The following ALOX5 variants were observed in gnomAD, a reference collection of about 807,000 sequenced individuals.
ALOX5 encodes arachidonate 5-lipoxygenase, also known as polyunsaturated fatty acid 5-lipoxygenase.
Under a neutral mutation model 87.9 loss-of-function variants are expected in ALOX5, and 64 were observed. The ratio of observed to expected loss-of-function variants is 0.73; its 90% CI spans 0.60 to 0.90. The LOEUF (loss-of-function observed/expected upper bound fraction) is 0.90. Ranked by LOEUF, ALOX5 falls within the 40% of genes least tolerant of loss-of-function variation. The probability of loss-of-function intolerance (pLI) is 0.00; values close to 1 mark genes in which losing one functional copy is unlikely to be tolerated. For synonymous variants in ALOX5, 388 were observed against 355.1 expected (o/e 1.09, Z -1.04); for missense variants, 822 against 907.5 (o/e 0.91, Z 1.21).
In ALOX5 at chr10:45,432,813, T is replaced by A. The variant is rs140301943; in HGVS notation, c.981+4049T>A. Among the ~76,000 whole-genome samples the A allele has an allele frequency of 1.7e-3, 257 of 152,336 alleles. 1 individual carries two copies. Among genetic ancestry groups the A allele is most frequent in the East Asian group, 8.3e-3 (43 of 5,192 alleles). ...GTTATAAGGGGAAAGCTAAGCATATTTGATTATGTAATGTTTTAAAACTTG... is the reference window on the plus strand; with the variant it reads ...GTTATAAGGGGAAAGCTAAGCATATATGATTATGTAATGTTTTAAAACTTG... On this transcript the variant is annotated intron_variant, in intron 7 of 13. Coordinates refer to ENST00000374391, the MANE Select transcript of ALOX5 (RefSeq NM_000698.5).
At position 45,445,682 on chromosome 10, in the gene ALOX5, A is replaced by G. The variant is rs770842622; in HGVS notation, c.2020A>G (p.Ile674Val). The change falls in exon 14 of 14, where the codon ATC (isoleucine) becomes GTC (valine). Residue 674 changes from isoleucine (I) to valine (V), a missense_variant. Coordinates refer to ENST00000374391, the MANE Select transcript of ALOX5 (RefSeq NM_000698.5). ...AGACCGGATTCCGAACAGTGTGGCC[A>G]TCTGAGCACACTGCCAGTCTCACTG... Reference protein sequence around the residue: ...SPDRIPNSVAI With the variant: ...SPDRIPNSVAV 10 of 1,610,034 alleles carry G rather than the reference A, an allele frequency of 6.2e-6. No individual in the cohort carries two copies.
rs761329272 is a variant in ALOX5, at chr10:45,374,359, T to A, written c.80T>A (p.Val27Glu). ...GTDDYIYLSL[V>E]GSAGCSEKHL... The stretch of plus-strand genomic sequence containing the variant: ...GACGACTACATCTACCTCAGCCTCG[T>A]GGGCTCGGCGGGCTGCAGCGAGAAG... Residue 27 changes from valine (V) to glutamate (E), a missense_variant, in exon 1 of 14, where the codon GTG becomes GAG. Transcript: ENST00000374391. 5 of 1,549,030 alleles carry A rather than the reference T, an allele frequency of 3.2e-6. No individual in the cohort carries two copies. The highest frequency in any genetic ancestry group is 4.3e-6 in the Non-Finnish European group (5 of 1,150,468).
At chr10:45,375,855 C>A (rs1839587068) in intron 1 of ALOX5, among the ~76,000 whole-genome samples, 1 of 152,238 alleles carries the variant, frequency 6.6e-6, no homozygotes, top group South Asian at 2.1e-4. Context: ...ACCCTGAGGA[C>A]TGCGGTGCCC....
intron 2 of ALOX5, among the ~76,000 whole-genome samples, chr10:45,389,491 T>C (rs954337683): frequency 1.3e-5 from 2 of 152,104 alleles, no homozygotes; most frequent in African/African-American, 4.8e-5. Flanking sequence ...TAACAGCTGA[T>C]CTCTCGGCAG....
intron 2 of ALOX5, among the ~76,000 whole-genome samples, chr10:45,385,068 A>C (rs2132684422): frequency 6.6e-6 from 1 of 152,148 alleles, no homozygotes; most frequent in Non-Finnish European, 1.5e-5. Flanking sequence ...GCTAGTCTGG[A>C]ACTCCTGACC....
At chr10:45,393,055 A>G (rs192608488) in intron 2 of ALOX5, among the ~76,000 whole-genome samples, 3,418 of 152,276 alleles carry the variant, frequency 0.022, 124 homozygotes, top group African/African-American at 0.078. Context: ...TCCTTCTGAA[A>G]CTATTCCAAT....
intron 3 of ALOX5, among the ~76,000 whole-genome samples, chr10:45,408,590 G>A (rs1445455104): frequency 1.3e-5 from 2 of 151,816 alleles, no homozygotes; most frequent in Non-Finnish European, 2.9e-5. Flanking sequence ...CTGTTCTAAT[G>A]GGCTTAACAT....
intron 3 of ALOX5, among the ~76,000 whole-genome samples, chr10:45,411,317 TC>T: frequency 6.6e-6 from 1 of 152,296 alleles, no homozygotes; most frequent in South Asian, 2.1e-4. Context: ...TCCTGTCTCA[TC>T]CTGTGACTTA....
intron 8 of ALOX5, among the ~76,000 whole-genome samples, 194 bp downstream of exon 8, chr10:45,440,827 G>A (rs759697889): frequency 2.6e-5 from 4 of 152,196 alleles, no homozygotes; most frequent in African/African-American, 4.8e-5. Flanking sequence ...CCCAGGACAC[G>A]CGGCTGGGGC....
intron 7 of ALOX5, among the ~76,000 whole-genome samples, chr10:45,433,734 GAGA>G (rs1296019760): frequency 1.3e-5 from 2 of 152,238 alleles, no homozygotes; most frequent in Non-Finnish European, 2.9e-5. Context: ...GGTTAAGGAA[GAGA>G]AGTTTCATTT....
At chr10:45,436,625 C>T (rs1264007540) in intron 7 of ALOX5, among the ~76,000 whole-genome samples, 1 of 152,046 alleles carries the variant, frequency 6.6e-6, no homozygotes, top group African/African-American at 2.4e-5. Flanking sequence ...TATTTTTGTA[C>T]CAGTATACCA....
chr10:45,374,438 G>A lies in ALOX5; in HGVS notation c.150+9G>A, dbSNP rs771066471. On this transcript the variant is annotated intron_variant, in intron 1 of 13. Coordinates refer to ENST00000374391, the MANE Select transcript of ALOX5 (RefSeq NM_000698.5). Reference sequence around the variant, plus strand: ...ACTTCGAGCGTGGCGCGGTGAGCGCGGGCGGGGCACGGGTGGAGCGCGGGC... The same window carrying A: ...ACTTCGAGCGTGGCGCGGTGAGCGCAGGCGGGGCACGGGTGGAGCGCGGGC... 1.2e-5 allele frequency: 19 copies of A among 1,545,976 alleles called. No individual in the cohort carries two copies. The South Asian group carries it at 2.2e-4, about 18-fold the overall frequency.
In ALOX5 at chr10:45,396,752, G is replaced by A. The variant is rs61854072; in HGVS notation, c.431+816G>A. Among the ~76,000 whole-genome samples, 505 of 152,104 alleles carry A rather than the reference G, an allele frequency of 3.3e-3. 1 individual carries two copies. The highest frequency in any genetic ancestry group is 5.6e-3 in the Non-Finnish European group (378 of 67,978). ...ATACCCATATTATACCAAAACTAAA[G>A]GCATCACAAGAAAACTATAAACCAA... On this transcript the variant is annotated intron_variant, in intron 3 of 13. Coordinates refer to ENST00000374391, the MANE Select transcript of ALOX5 (RefSeq NM_000698.5).
At position 45,425,900 on chromosome 10, in the gene ALOX5, G is replaced by A. The variant is rs1475139330; in HGVS notation, c.834+768G>A. 6.6e-6 allele frequency among the ~76,000 whole-genome samples: 1 copy of A among 152,190 alleles called. No homozygotes were observed. Among genetic ancestry groups the A allele is most frequent in the Non-Finnish European group, 1.5e-5 (1 of 68,036 alleles). ...CTGAGGCCCTAGTTGGAGAGGGATG[G>A]TTGGTGCCCTTTAGAGATAAACCTA... On this transcript the variant is annotated intron_variant, in intron 6 of 13. Transcript: ENST00000374391. The surrounding 1 kb of genome is among the most constrained non-coding windows in gnomAD (Gnocchi z 4.4).
intron 1 of ALOX5, among the ~76,000 whole-genome samples, chr10:45,374,736 T>TGGG: frequency 6.6e-6 from 1 of 152,068 alleles, no homozygotes; most frequent in African/African-American, 2.4e-5. Flanking sequence ...AGGCCCAAGG[T>TGGG]TTCCCCTCCA....
chr10:45,383,240 G>GA (rs1230077023), intron 2 of ALOX5, among the ~76,000 whole-genome samples: 2 of 152,258 alleles, frequency 1.3e-5, no homozygotes. Context: ...CTGAAAGAAA[G>GA]AAGAACCTCA....
intron 12 of ALOX5, 142 bp downstream of exon 12, chr10:45,443,970 A>G: frequency 7.0e-7 from 1 of 1,433,618 alleles, no homozygotes; most frequent in African/African-American, 1.4e-5. Context: ...CTGCCCGCTC[A>G]GCCAAGGGCG....
At position 45,443,998 on chromosome 10, in the gene ALOX5, G is replaced by T. The variant is rs971870450; in HGVS notation, c.1675-118G>T. 3.5e-6 allele frequency: 5 copies of T among 1,439,028 alleles called. No individual in the cohort carries two copies. In the Admixed American group the frequency reaches 1.2e-4, roughly 35 times the overall value. 89.1% of individuals were successfully genotyped at this position (1,439,028 alleles called of 1,614,324 possible). The stretch of plus-strand genomic sequence containing the variant: ...CAAGGGCGCTGGCCGCGGGGAAAGA[G>T]GATGGACGGACTGCAGGGCCCGCTG... On this transcript the variant is annotated intron_variant, in intron 12 of 13. Coordinates refer to ENST00000374391, the MANE Select transcript of ALOX5 (RefSeq NM_000698.5).
At chr10:45,411,253 T>C (rs1191597144) in intron 3 of ALOX5, among the ~76,000 whole-genome samples, 2 of 152,182 alleles carry the variant, frequency 1.3e-5, no homozygotes, top group Admixed American at 6.5e-5. Context: ...CCGGCTTCTT[T>C]ACCACAACCC....
Sources: allele counts gnomAD v4.1 joint callset (sites outside exome capture counted in the v4.1 genomes callset), GRCh38; gene constraint gnomAD v4.1.1; non-coding constraint Gnocchi (gnomAD v3.1); transcripts MANE v1.5; gene names NCBI Gene and HGNC (gene_info 2026-07-23, HGNC 2026-07-21).